Variants in TMIGD3 observed in about 807,000 individuals in gnomAD.
The protein encoded by TMIGD3 is transmembrane and immunoglobulin domain containing 3, also known as AD026 protein (AD026).
TMIGD3 carries 21 observed loss-of-function variants against 28.1 expected under a neutral mutation model. The observed-to-expected ratio is 0.75, with a 90% CI of 0.53 to 1.08. The LOEUF is 1.08. Ranked by LOEUF, TMIGD3 falls within the 50% of genes least tolerant of loss-of-function variation. The pLI, the probability that TMIGD3 is intolerant of heterozygous loss-of-function variation, is 0.00. For synonymous variants in TMIGD3, 151 were observed against 162.1 expected (o/e 0.93, Z 0.52); for missense variants, 416 against 435.6 (o/e 0.96, Z 0.40).
chr1:111,515,378 T>C (rs1346078089), intron 1 of TMIGD3, among the ~76,000 whole-genome samples: 1 of 152,176 alleles, frequency 6.6e-6, no homozygotes, highest in Non-Finnish European at 1.5e-5. Context: ...GCCAGTTCCC[T>C]ACCCTGTGGC....
At chr1:111,537,499 G>T (rs534948405) in intron 1 of TMIGD3, among the ~76,000 whole-genome samples, 1 of 152,150 alleles carries the variant, frequency 6.6e-6, no homozygotes, top group Non-Finnish European at 1.5e-5. Context: ...CAAAAGATAT[G>T]TTCATAAAGC....
At position 111,563,906 on chromosome 1, in the gene TMIGD3, C is replaced by T. The variant is rs769258386; in HGVS notation, c.47G>A (p.Trp16Ter). The T allele has an allele frequency of 6.2e-7, 1 of 1,613,910 alleles. No individual in the cohort carries two copies. The highest frequency in any genetic ancestry group is 2.2e-5 in the East Asian group (1 of 44,874). ...TGGCTGCTCTTCCCAGGAGCTTTCC[C>T]ACCTGGCCTCCTTCTGCTCAATGGG... The change falls in exon 1 of 6, where the codon TGG becomes TAG. Residue 16 changes from tryptophan (W) to a stop codon, truncating the protein, a stop_gained. Coordinates refer to the TMIGD3 transcript ENST00000369717. LOFTEE classifies it high-confidence loss of function.
chr1:111,557,693 T>C (rs1343465778), intron 1 of TMIGD3, among the ~76,000 whole-genome samples: 1 of 152,162 alleles, frequency 6.6e-6, no homozygotes, highest in Non-Finnish European at 1.5e-5. Flanking sequence ...TTTGAGATGC[T>C]AGAAGGGATA....
chr1:111,561,567 C>G (rs1301053742), intron 1 of TMIGD3, among the ~76,000 whole-genome samples: 1 of 152,090 alleles, frequency 6.6e-6, no homozygotes, highest in African/African-American at 2.4e-5. Flanking sequence ...GTCATAGTCT[C>G]CACATCAAGG....
intron 1 of TMIGD3, among the ~76,000 whole-genome samples, chr1:111,516,091 C>T (rs907916378): frequency 6.6e-6 from 1 of 152,252 alleles, no homozygotes; most frequent in Non-Finnish European, 1.5e-5. Flanking sequence ...CCCTGCCTGC[C>T]AGGACAGCGC....
At chr1:111,551,822 T>C (rs1657273724) in intron 1 of TMIGD3, among the ~76,000 whole-genome samples, 1 of 152,006 alleles carries the variant, frequency 6.6e-6, no homozygotes, top group South Asian at 2.1e-4. Context: ...GGGGCATGCC[T>C]TCAGCACTCA....
rs533234212 is a variant in TMIGD3, at chr1:111,509,637, G to A, written c.108-18875C>T. 1.1e-3 allele frequency among the ~76,000 whole-genome samples: 165 copies of A among 152,298 alleles called. 1 individual carries two copies. The highest frequency in any genetic ancestry group is 1.2e-3 in the Non-Finnish European group (82 of 68,030). On this transcript the variant is annotated intron_variant, in intron 1 of 5. Transcript: ENST00000369717. Reference sequence around the variant, plus strand: ...TACCAAATGGGACAAAACTTCTTACGGAATTGCATGCAAACCTTACCGCCA... The same window carrying A: ...TACCAAATGGGACAAAACTTCTTACAGAATTGCATGCAAACCTTACCGCCA...
intron 4 of TMIGD3, 65 bp from the exon 5 acceptor site, chr1:111,485,905 G>T: frequency 7.5e-7 from 1 of 1,326,156 alleles, no homozygotes; most frequent in African/African-American, 1.5e-5. Flanking sequence ...CTCAGCTCTG[G>T]ATCCCTTTTT....
chr1:111,518,619 G>A (rs1340879141), intron 1 of TMIGD3, among the ~76,000 whole-genome samples: 1 of 152,218 alleles, frequency 6.6e-6, no homozygotes, highest in African/African-American at 2.4e-5. Context: ...AAGGTCACAA[G>A]CCTGGCAGGC....
At chr1:111,499,741 G>C in intron 1 of TMIGD3, 1 of 1,396,478 alleles carries the variant, frequency 7.2e-7, no homozygotes. Context: ...CCAAAACACT[G>C]AATTAGAGAG....
At position 111,511,674 on chromosome 1, in the gene TMIGD3, T is replaced by TACACACACACACAC. The variant is rs72064023; in HGVS notation, c.108-20926_108-20913dup. Among the ~76,000 whole-genome samples, 894 of 148,922 alleles carry TACACACACACACAC rather than the reference T, an allele frequency of 6.0e-3. 5 individuals carry two copies. The highest frequency in any genetic ancestry group is 0.014 in the African/African-American group (572 of 40,158). On this transcript the variant is annotated intron_variant, in intron 1 of 5. Coordinates refer to the TMIGD3 transcript ENST00000369717. ...GTGATCTATCTCAAATGGTGCCCTT[T>TACACACACACACAC]ACACACACACACACACACACACACG... is the stretch of plus-strand genomic sequence containing the variant.
intron 1 of TMIGD3, among the ~76,000 whole-genome samples, chr1:111,521,775 G>A (rs930822811): frequency 3.9e-5 from 6 of 152,092 alleles, no homozygotes; most frequent in African/African-American, 1.4e-4. Flanking sequence ...CATCTTTACT[G>A]TTAATTTTTG....
chr1:111,529,466 TA>T (rs1276675093), intron 1 of TMIGD3, among the ~76,000 whole-genome samples: 1 of 150,236 alleles, frequency 6.7e-6, no homozygotes, highest in Non-Finnish European at 1.5e-5. Flanking sequence ...GGTCAGCAGA[TA>T]AACAAGTGAA....
intron 2 of TMIGD3, chr1:111,490,211 A>C: frequency 6.1e-6 from 1 of 162,676 alleles, no homozygotes; most frequent in Non-Finnish European, 1.4e-5. Context: ...GTCCTCATAT[A>C]TGTGCACATA....
At chr1:111,554,513 G>T (rs1204078139) in intron 1 of TMIGD3, among the ~76,000 whole-genome samples, 1 of 152,204 alleles carries the variant, frequency 6.6e-6, no homozygotes, top group Non-Finnish European at 1.5e-5. Flanking sequence ...CTTGGCTACA[G>T]GACAATAAGT....
At chr1:111,489,643 G>A in intron 2 of TMIGD3, 1 of 1,135,864 alleles carries the variant, frequency 8.8e-7, no homozygotes, top group Non-Finnish European at 1.1e-6. Flanking sequence ...TTGACGGAGG[G>A]CCTTGAAGAG....
intron 1 of TMIGD3, among the ~76,000 whole-genome samples, chr1:111,557,826 C>T (rs74112336): frequency 0.11 from 16,102 of 152,032 alleles, 2,165 homozygotes; most frequent in African/African-American, 0.31. Flanking sequence ...GAAATGTGAA[C>T]AGTGACAGCA....
At chr1:111,527,274 A>G (rs1158830944) in intron 1 of TMIGD3, among the ~76,000 whole-genome samples, 1 of 152,092 alleles carries the variant, frequency 6.6e-6, no homozygotes, top group Non-Finnish European at 1.5e-5. Context: ...GGCCTCCCAA[A>G]GTGCTGAGAT....
At chr1:111,562,038 CT>C (rs902236264) in intron 1 of TMIGD3, among the ~76,000 whole-genome samples, 6 of 152,130 alleles carry the variant, frequency 3.9e-5, no homozygotes, top group African/African-American at 1.4e-4. Flanking sequence ...ACTTTTCAAT[CT>C]TTTTTCTCAA....
Sources: gnomAD v4.1 joint callset for allele counts (sites outside exome capture counted in the v4.1 genomes callset) on GRCh38, gnomAD v4.1.1 for gene constraint, MANE v1.5 for transcripts, NCBI Gene and HGNC (gene_info 2026-07-23, HGNC 2026-07-21) for gene names.